The following SHROOM3 variants were observed in gnomAD, a reference collection of about 807,000 sequenced individuals.
SHROOM3 encodes shroom family member 3.
SHROOM3 carries 47 observed loss-of-function variants against 138.6 expected under a neutral mutation model. That is an observed-to-expected ratio of 0.34 (90% CI 0.27 to 0.43). SHROOM3 has a LOEUF of 0.43. SHROOM3 is among the 20% of genes least tolerant of loss of function. The pLI is 1.00. For synonymous variants in SHROOM3, 1,062 were observed against 1,063.3 expected (o/e 1.00, Z 0.02); for missense variants, 2,491 against 2,596.5 (o/e 0.96, Z 0.88).
intron 2 of SHROOM3, among the ~76,000 whole-genome samples, chr4:76,683,723 A>T (rs138902334): frequency 1.3e-5 from 2 of 152,298 alleles, no homozygotes; most frequent in African/African-American, 4.8e-5. Context: ...CAGAAAGTCA[A>T]ATATTCAGTT....
rs1314458688 is a variant in SHROOM3, at chr4:76,555,705, A to T, written c.265A>T (p.Lys89Ter). The change falls in exon 2 of 11, where the codon AAG becomes TAG. Residue 89 changes from lysine to a stop codon, truncating the protein, a stop_gained. Transcript: ENST00000296043. LOFTEE classifies it high-confidence loss of function. ...INEVTLSSSR[K>*]EAVSLVKGSY... The stretch of plus-strand genomic sequence containing the variant: ...TGAGGTGACTCTGAGCAGCTCCAGA[A>T]AGGAGGCAGTTTCCCTGGTGAAAGG... 1 of 1,614,028 alleles carries T rather than the reference A, an allele frequency of 6.2e-7. No homozygotes were observed. Among genetic ancestry groups the T allele is most frequent in the East Asian group, 2.2e-5 (1 of 44,870 alleles).
intron 2 of SHROOM3, among the ~76,000 whole-genome samples, chr4:76,709,341 CAG>C (rs537941055): frequency 3.2e-4 from 49 of 152,324 alleles, no homozygotes; most frequent in Non-Finnish European, 5.7e-4. Context: ...TCCCCACAAA[CAG>C]AGATGATGAC....
At chr4:76,570,174 C>G (rs1175392684) in intron 2 of SHROOM3, among the ~76,000 whole-genome samples, 2 of 152,010 alleles carry the variant, frequency 1.3e-5, no homozygotes, top group East Asian at 1.9e-4. Flanking sequence ...CACACACACA[C>G]ACACACACAC....
At chr4:76,528,865 A>G (rs765191457) in intron 1 of SHROOM3, among the ~76,000 whole-genome samples, 4 of 151,952 alleles carry the variant, frequency 2.6e-5, no homozygotes, top group Non-Finnish European at 5.9e-5. Context: ...TCCTCTCCCT[A>G]TTCTTCCAAT....
At chr4:76,569,822 G>A (rs1733799820) in intron 2 of SHROOM3, among the ~76,000 whole-genome samples, 1 of 151,892 alleles carries the variant, frequency 6.6e-6, no homozygotes, top group Non-Finnish European at 1.5e-5. Context: ...AGGGAAGCCT[G>A]CCTTTTAACA....
intron 1 of SHROOM3, among the ~76,000 whole-genome samples, chr4:76,489,846 C>A (rs1731812744): frequency 6.6e-6 from 1 of 152,150 alleles, no homozygotes; most frequent in African/African-American, 2.4e-5. Context: ...TGTCCAGGTT[C>A]TTGGTGTTTT....
chr4:76,749,722 T>C (rs1721559542), intron 6 of SHROOM3, among the ~76,000 whole-genome samples: 2 of 152,260 alleles, frequency 1.3e-5, no homozygotes, highest in African/African-American at 4.8e-5. Context: ...AAAGTCGTTT[T>C]TTTAAAATGC....
chr4:76,571,889 T>G (rs1371690220), intron 2 of SHROOM3, among the ~76,000 whole-genome samples: 5 of 152,200 alleles, frequency 3.3e-5, no homozygotes, highest in African/African-American at 1.2e-4. Flanking sequence ...GTGTCCATTG[T>G]GAGATGGGCT....
intron 2 of SHROOM3, among the ~76,000 whole-genome samples, chr4:76,667,634 A>C (rs1339381958): frequency 6.6e-6 from 1 of 151,954 alleles, no homozygotes; most frequent in South Asian, 2.1e-4. Flanking sequence ...TCTTTACAAC[A>C]ATTTGTTTAA....
chr4:76,572,942 T>C (rs1436456716), intron 2 of SHROOM3, among the ~76,000 whole-genome samples: 1 of 151,776 alleles, frequency 6.6e-6, no homozygotes, highest in African/African-American at 2.4e-5. Context: ...ATTAGCCAGG[T>C]GTGGTAGCAC....
chr4:76,457,787 G>A (rs1396350469), intron 1 of SHROOM3, among the ~76,000 whole-genome samples: 1 of 150,416 alleles, frequency 6.6e-6, no homozygotes, highest in Admixed American at 6.6e-5. Context: ...ACCGAGCCTG[G>A]CTTTTCTTTT....
chr4:76,436,347 T>A, intron 1 of SHROOM3, 127 bp downstream of exon 1: 52 of 868,544 alleles, frequency 6.0e-5, no homozygotes, highest in South Asian at 1.6e-4. Context: ...GCCTTTCTGA[T>A]TATCTAGAAA....
At chr4:76,496,713 G>A (rs564851798) in intron 1 of SHROOM3, among the ~76,000 whole-genome samples, 2 of 152,230 alleles carry the variant, frequency 1.3e-5, no homozygotes, top group East Asian at 1.9e-4. Flanking sequence ...GTTTGATGTA[G>A]TAGACAGGGT....
At chr4:76,700,319 G>T (rs1314162318) in intron 2 of SHROOM3, among the ~76,000 whole-genome samples, 1 of 152,200 alleles carries the variant, frequency 6.6e-6, no homozygotes, top group Non-Finnish European at 1.5e-5. Context: ...TGGCTGTAAG[G>T]ATGGTAAGAA....
chr4:76,551,650 G>A (rs1298905964), intron 1 of SHROOM3, among the ~76,000 whole-genome samples: 1 of 152,096 alleles, frequency 6.6e-6, no homozygotes, highest in Admixed American at 6.5e-5. Flanking sequence ...TTCTCATGAA[G>A]TCTCTTCAAT....
intron 2 of SHROOM3, among the ~76,000 whole-genome samples, chr4:76,580,942 T>A (rs989360579): frequency 3.3e-5 from 5 of 152,226 alleles, no homozygotes; most frequent in African/African-American, 7.2e-5. Context: ...ATTCTTTTTT[T>A]TTATTATACT....
In SHROOM3 at chr4:76,647,465, C is replaced by T. The variant is rs767783825; in HGVS notation, c.324-62691C>T. On this transcript the variant is annotated intron_variant, in intron 2 of 10. Transcript: ENST00000296043. The stretch of plus-strand genomic sequence containing the variant: ...GATGAATACTCCAGGTGATAGATAC[C>T]GTAAATACTCCAACTTAATCATTAC... Among the ~76,000 whole-genome samples, 4 of 152,122 alleles carry T rather than the reference C, an allele frequency of 2.6e-5. No homozygotes were observed. The East Asian group carries it at 5.8e-4, about 22-fold the overall frequency.
rs570614333 is a variant in SHROOM3 at position 76,548,869 on chromosome 4, A to G, written c.169-6740A>G. Reference sequence around the variant, plus strand: ...CTCTCCTTAGCTTGTTAGCTTAGGGATTTCCCACCCAGTTGCACACGGTGT... The same window carrying G: ...CTCTCCTTAGCTTGTTAGCTTAGGGGTTTCCCACCCAGTTGCACACGGTGT... On this transcript the variant is annotated intron_variant, in intron 1 of 10. Coordinates refer to ENST00000296043, the MANE Select transcript of SHROOM3 (RefSeq NM_020859.4). Among the ~76,000 whole-genome samples, 12 of 152,268 alleles carry G rather than the reference A, an allele frequency of 7.9e-5. 1 individual carries two copies. Among genetic ancestry groups the G allele is most frequent in the African/African-American group, 2.2e-4 (9 of 41,554 alleles).
intron 1 of SHROOM3, among the ~76,000 whole-genome samples, chr4:76,475,141 A>G (rs559564803): frequency 3.9e-5 from 6 of 152,322 alleles, no homozygotes; most frequent in Non-Finnish European, 7.4e-5. Context: ...TTAGCCTGGT[A>G]AATTGAATTA....
Sources: allele counts gnomAD v4.1 joint callset (sites outside exome capture counted in the v4.1 genomes callset), GRCh38; gene constraint gnomAD v4.1.1; transcripts MANE v1.5; gene names NCBI Gene and HGNC (gene_info 2026-07-23, HGNC 2026-07-21).